Variants in RSF1 observed in about 807,000 individuals in gnomAD.
The protein encoded by RSF1 is HBV pX-associated protein 8.
Under a neutral mutation model 145.2 loss-of-function variants are expected in RSF1, and 13 were observed. That is an observed-to-expected ratio of 0.09 (90% CI 0.06 to 0.14). The LOEUF is 0.14. Among genes scored for constraint, RSF1 ranks in the 10% least tolerant of loss-of-function variants. The pLI, the probability that RSF1 is intolerant of heterozygous loss-of-function variation, is 1.00. For missense variants in RSF1, 1,517 were observed against 1,718.2 expected (o/e 0.88, Z 2.07); for synonymous variants, 577 against 592.6 (o/e 0.97, Z 0.38).
chr11:77,842,054 C>T, the RSF1 span, among the ~76,000 whole-genome samples: 3 of 152,260 alleles, frequency 2.0e-5, no homozygotes, highest in African/African-American at 4.8e-5. Context: ...TGAAATTCAG[C>T]GATCTTCATG....
At chr11:77,778,908 A>C (rs1327686094) in intron 1 of RSF1, among the ~76,000 whole-genome samples, 2 of 152,056 alleles carry the variant, frequency 1.3e-5, no homozygotes, top group Admixed American at 6.6e-5. Context: ...TTAGTCCCTA[A>C]GTTATGTGAT....
At chr11:77,670,913 C>T (rs11237265) in intron 15 of RSF1, among the ~76,000 whole-genome samples, 50,103 of 150,028 alleles carry the variant, frequency 0.33, 8,551 homozygotes, top group East Asian at 0.46. Context: ...TCGAGACTAG[C>T]TTGGCCAACA....
chr11:77,750,876 G>T (rs1410331574), intron 2 of RSF1, among the ~76,000 whole-genome samples: 1 of 152,032 alleles, frequency 6.6e-6, no homozygotes, highest in Admixed American at 6.5e-5. Flanking sequence ...CTAGCTGATA[G>T]GTCAGGTCCT....
the RSF1 span, among the ~76,000 whole-genome samples, chr11:77,860,639 A>C: frequency 6.6e-6 from 1 of 152,212 alleles, no homozygotes; most frequent in Non-Finnish European, 1.5e-5. Flanking sequence ...TCTTGGGCTA[A>C]TGCCTGGCCA....
intron 14 of RSF1, among the ~76,000 whole-genome samples, chr11:77,673,130 T>C (rs1959600848): frequency 6.6e-6 from 1 of 152,250 alleles, no homozygotes; most frequent in African/African-American, 2.4e-5. Context: ...CCTGTCACTA[T>C]AGTCATAATG....
At position 77,820,586 on chromosome 11, in the gene RSF1, C is replaced by T. The variant is rs1191182023; in HGVS notation, c.129G>A (p.Pro43=). Residue 43 remains proline, a synonymous_variant, in exon 1 of 16, where the codon CCG becomes CCA. Transcript: ENST00000308488. ...YGPLLDLPEL[P]FPELERVLQA... is the part of the protein sequence containing the mutation. Reference sequence around the variant, plus strand: ...GCAGCACCCGCTCCAGCTCAGGGAACGGCAACTCAGGCAGGTCTAGCAGCG... The same window carrying T: ...GCAGCACCCGCTCCAGCTCAGGGAATGGCAACTCAGGCAGGTCTAGCAGCG... 3 of 1,563,678 alleles carry T rather than the reference C, an allele frequency of 1.9e-6. No homozygotes were observed. Among genetic ancestry groups the T allele is most frequent in the South Asian group, 1.2e-5 (1 of 84,968 alleles).
Position 77,711,143 on chromosome 11 carries a change from T to TAAAAA in RSF1, c.734-8653_734-8649dup, listed in dbSNP as rs60863404. Among the ~76,000 whole-genome samples, 395 of 134,498 alleles carry TAAAAA rather than the reference T, an allele frequency of 2.9e-3. 1 individual carries two copies. The highest frequency in any genetic ancestry group is 0.012 in the Middle Eastern group (3 of 258). The allele number at this position is 134,498 out of a possible 152,430, so 88.2% of individuals were successfully genotyped here. A position where few individuals can be genotyped will look rare whatever the true frequency, so the allele number is the denominator to read the frequency against. ...CCCTGACCCCCACACATTTTTAACTTAAAAAAAAAAAAAAAAAGATAAAAC... is the reference window on the plus strand; with the variant it reads ...CCCTGACCCCCACACATTTTTAACTTAAAAAAAAAAAAAAAAAAAAAAGATAAAAC... On this transcript the variant is annotated intron_variant, in intron 5 of 15. Transcript: ENST00000308488.
intron 11 of RSF1, among the ~76,000 whole-genome samples, chr11:77,678,735 C>T (rs1188726056): frequency 6.6e-6 from 1 of 152,082 alleles, no homozygotes; most frequent in African/African-American, 2.4e-5. Flanking sequence ...GAGAAGATGG[C>T]CATCTATGAA....
intron 1 of RSF1, 26 bp downstream of exon 1, chr11:77,820,502 G>A: frequency 1.9e-6 from 3 of 1,544,570 alleles, no homozygotes. Context: ...GCCGCTTCCC[G>A]CCGGGCGTTC....
chr11:77,786,918 C>G (rs1948462320), intron 1 of RSF1, among the ~76,000 whole-genome samples: 1 of 152,166 alleles, frequency 6.6e-6, no homozygotes, highest in African/African-American at 2.4e-5. Flanking sequence ...AACCCTATAA[C>G]TACCCCAATT....
the RSF1 span, among the ~76,000 whole-genome samples, chr11:77,838,843 C>T: frequency 6.6e-6 from 1 of 152,062 alleles, no homozygotes; most frequent in African/African-American, 2.4e-5. Context: ...GTCTCAATCT[C>T]CTGACCTCGT....
Position 77,675,203 on chromosome 11 carries a change from T to C in RSF1, c.3395A>G (p.Asp1132Gly), listed in dbSNP as rs1400183581. The change falls in exon 14 of 16, where the codon GAT (aspartate) becomes GGT (glycine). Residue 1132 changes from aspartate to glycine, a missense_variant. Transcript: ENST00000308488. Reference protein sequence around the residue: ...SDENPDESEEDPPSNDDSDTD... With the variant: ...SDENPDESEEGPPSNDDSDTD... ...GTCACTGTCATCATTAGATGGCGGA[T>C]CTTCTTCACTTTCATCTGGGTTTTC... The C allele has an allele frequency of 1.2e-6, 2 of 1,614,052 alleles. No homozygotes were observed. Among genetic ancestry groups the C allele is most frequent in the South Asian group, 1.1e-5 (1 of 91,068 alleles).
At chr11:77,751,348 C>T (rs143364928) in intron 2 of RSF1, among the ~76,000 whole-genome samples, 95 of 152,160 alleles carry the variant, frequency 6.2e-4, no homozygotes, top group African/African-American at 2.1e-3. Context: ...GGCAGCTAGC[C>T]CCACTTAAGT....
chr11:77,811,445 G>A (rs1948730320), intron 1 of RSF1, among the ~76,000 whole-genome samples: 1 of 152,136 alleles, frequency 6.6e-6, no homozygotes, highest in South Asian at 2.1e-4. Flanking sequence ...TGAGTACTGT[G>A]GCATAAAATC....
the RSF1 span, chr11:77,869,835 C>T: frequency 1.9e-6 from 3 of 1,606,068 alleles, no homozygotes; most frequent in African/African-American, 1.3e-5. Flanking sequence ...TTGGTATGCA[C>T]AGCATTCCTG....
chr11:77,771,869 C>A (rs1225967112), intron 1 of RSF1, among the ~76,000 whole-genome samples: 1 of 152,150 alleles, frequency 6.6e-6, no homozygotes, highest in Non-Finnish European at 1.5e-5. Context: ...TACTTCAGAT[C>A]AGATAATGAT....
chr11:77,781,112 T>C (rs1167021088), intron 1 of RSF1, among the ~76,000 whole-genome samples: 4 of 152,000 alleles, frequency 2.6e-5, no homozygotes, highest in Non-Finnish European at 5.9e-5. Flanking sequence ...GTCTTTTTTT[T>C]TTGAGAGAGA....
chr11:77,806,037 C>T (rs940114233), intron 1 of RSF1, among the ~76,000 whole-genome samples: 1 of 152,126 alleles, frequency 6.6e-6, no homozygotes, highest in Non-Finnish European at 1.5e-5. Flanking sequence ...TCCCTATGGC[C>T]ACTTCCCCAA....
At chr11:77,780,476 G>C (rs1948391330) in intron 1 of RSF1, among the ~76,000 whole-genome samples, 2 of 152,148 alleles carry the variant, frequency 1.3e-5, no homozygotes, top group South Asian at 4.1e-4. Context: ...TAGTGAGCTT[G>C]CTAATTAATA....
Sources: allele counts gnomAD v4.1 joint callset (sites outside exome capture counted in the v4.1 genomes callset), GRCh38; gene constraint gnomAD v4.1.1; transcripts MANE v1.5; gene names NCBI Gene and HGNC (gene_info 2026-07-23, HGNC 2026-07-21).